Variants in SDHA observed in about 807,000 individuals in gnomAD.
The protein encoded by SDHA is succinate dehydrogenase [ubiquinone] flavoprotein subunit, mitochondrial.
Under a neutral mutation model 78.4 loss-of-function variants are expected in SDHA, and 48 were observed. The ratio of observed to expected loss-of-function variants is 0.61; its 90% CI spans 0.49 to 0.78. The LOEUF (loss-of-function observed/expected upper bound fraction) is 0.78, where lower values mean the gene tolerates loss of function less well. Among genes scored for constraint, SDHA ranks in the 30% least tolerant of loss-of-function variants. The probability of loss-of-function intolerance (pLI) is 0.00; values close to 1 mark genes in which losing one functional copy is unlikely to be tolerated. For missense variants in SDHA, 680 were observed against 892.7 expected, an observed-to-expected ratio of 0.76 and a Z score of 3.04; for synonymous variants, 326 against 353.9, an observed-to-expected ratio of 0.92 and a Z score of 0.88.
In SDHA at chr5:232,891, T is replaced by A. The variant is rs573804590; in HGVS notation, c.896-586T>A. ...GGACTACCCAGGTTTGGGTTTGAGC[T>A]CTGTCCTCAGCTGCATGACTGGATG... On this transcript the variant is annotated intron_variant, in intron 7 of 14. Transcript: ENST00000264932. Among the ~76,000 whole-genome samples the A allele has an allele frequency of 5.9e-5, 9 of 152,320 alleles. No individual in the cohort carries two copies. In the South Asian group the frequency reaches 1.9e-3, roughly 32 times the overall value.
intron 11 of SDHA, chr5:248,968 A>G (rs1446505659): frequency 1.3e-4 from 51 of 397,066 alleles, no homozygotes; most frequent in Non-Finnish European, 1.2e-4. Flanking sequence ...GAAACTGTTA[A>G]TAGCTCTTAA....
the SDHA span, among the ~76,000 whole-genome samples, chr5:264,142 T>G: frequency 6.6e-6 from 1 of 152,214 alleles, no homozygotes; most frequent in Non-Finnish European, 1.5e-5. Flanking sequence ...CTAAAGTGGT[T>G]GCTGTGGAGG....
At position 240,426 on chromosome 5, in the gene SDHA, T is replaced by C; in HGVS notation, c.1501T>C (p.Phe501Leu). 1 of 1,611,762 alleles carries C rather than the reference T, an allele frequency of 6.2e-7. No individual in the cohort carries two copies. The highest frequency in any genetic ancestry group is 8.5e-7 in the Non-Finnish European group (1 of 1,179,408). ...TGTCATGAATCTTGACAAATTGAGA[T>C]TTGCTGATGGAAGCATAAGAACATC... is the stretch of plus-strand genomic sequence containing the variant. Reference protein sequence around the residue: ...ESVMNLDKLRFADGSIRTSEL... With the variant: ...ESVMNLDKLRLADGSIRTSEL... The change falls in exon 11 of 15, where the codon TTT (phenylalanine) becomes CTT (leucine). Residue 501 changes from phenylalanine (F) to leucine (L), a missense_variant. Physicochemically the swap from Phe to Leu is conservative, Grantham distance 22 (BLOSUM62 0). Coordinates refer to ENST00000264932, the MANE Select transcript of SDHA (RefSeq NM_004168.4).
At chr5:230,786 G>T in intron 6 of SDHA, 90 bp from the exon 7 acceptor site, 1 of 1,557,934 alleles carries the variant, frequency 6.4e-7, no homozygotes, top group South Asian at 1.1e-5. Context: ...AGACGGTGCT[G>T]GGGGCTGCCG....
At chr5:259,218 G>C (rs1241852131), downstream of SDHA, among the ~76,000 whole-genome samples, 10 of 46,748 alleles carry the variant, frequency 2.1e-4, no homozygotes, top group African/African-American at 5.6e-4. Flanking sequence ...CCTCCCGTCC[G>C]AGCATTACCG....
At chr5:228,384 A>C in intron 6 of SDHA, 51 bp downstream of exon 6, 2 of 1,548,812 alleles carry the variant, frequency 1.3e-6, no homozygotes, top group Non-Finnish European at 1.8e-6. Flanking sequence ...AATAAATTTC[A>C]TTTAGAGTTT....
At chr5:255,726 A>T (rs1204442194) in intron 14 of SDHA, among the ~76,000 whole-genome samples, 1 of 152,182 alleles carries the variant, frequency 6.6e-6, no homozygotes, top group East Asian at 1.9e-4. Context: ...CAACACCCCC[A>T]GCCAGTTTTA....
the SDHA span, among the ~76,000 whole-genome samples, chr5:265,583 C>T: frequency 3.9e-5 from 6 of 152,270 alleles, no homozygotes; most frequent in East Asian, 7.7e-4. Flanking sequence ...AGAAGAATTC[C>T]TGCAAATAAG....
At chr5:220,418 G>C in intron 1 of SDHA, 1 of 326,274 alleles carries the variant, frequency 3.1e-6, no homozygotes, top group South Asian at 2.3e-5. Flanking sequence ...TGAATGGATT[G>C]TTCTGAATAT....
rs1579379632 is a variant in SDHA, at chr5:223,488, A to G, written c.70A>G (p.Thr24Ala). 6.2e-7 allele frequency: 1 copy of G among 1,612,028 alleles called. No individual in the cohort carries two copies. Among genetic ancestry groups the G allele is most frequent in the Non-Finnish European group, 8.5e-7 (1 of 1,178,066 alleles). Residue 24 changes from threonine to alanine, a missense_variant, in exon 2 of 15, where the codon ACA becomes GCA. Coordinates refer to ENST00000264932, the MANE Select transcript of SDHA (RefSeq NM_004168.4). The stretch of plus-strand genomic sequence containing the variant: ...GTGTCTTCTGTGTCTCCAGTGGCCA[A>G]CAGTGTTGCAAACAGGAACCCGAGG... ...RRLALAKAWP[T>A]VLQTGTRGFH...
chr5:248,910 A>C (rs1968374), intron 11 of SDHA: 66,707 of 404,360 alleles, frequency 0.16, 9,222 homozygotes, highest in African/African-American at 0.52. Flanking sequence ...TGGCACCTCA[A>C]CCTCAAATGG....
At chr5:251,592 T>C (rs759379965) in intron 13 of SDHA, 124 bp downstream of exon 13, 222,460 of 1,545,434 alleles carry the variant, frequency 0.14, 21,436 homozygotes, top group African/African-American at 0.55. Flanking sequence ...AAAAAATGCC[T>C]TTTTCCCCCC....
In SDHA at chr5:225,478, C is replaced by T. The variant is rs754393360; in HGVS notation, c.372C>T (p.Tyr124=). 3.0e-5 allele frequency: 49 copies of T among 1,613,540 alleles called. No individual in the cohort carries two copies. Among genetic ancestry groups the T allele is most frequent in the East Asian group, 2.2e-4 (10 of 44,892 alleles). The part of the protein sequence containing the change: ...MEEDNWRWHF[Y]DTVKGSDWLG... Reference sequence around the variant, plus strand: ...AGGACAACTGGAGGTGGCATTTCTACGACACCGTGAAGGGCTCCGACTGGC... The same window carrying T: ...AGGACAACTGGAGGTGGCATTTCTATGACACCGTGAAGGGCTCCGACTGGC... Residue 124 remains tyrosine (Y), a synonymous_variant, in exon 4 of 15, where the codon TAC becomes TAT. Transcript: ENST00000264932.
intron 3 of SDHA, 136 bp from the exon 4 acceptor site, chr5:225,283 C>A: frequency 9.1e-7 from 1 of 1,101,110 alleles, no homozygotes. Context: ...TGCTCCTCTG[C>A]TGAGGTCAGC....
intron 7 of SDHA, among the ~76,000 whole-genome samples, chr5:232,994 A>G (rs562511304): frequency 2.1e-4 from 32 of 152,328 alleles, no homozygotes; most frequent in Admixed American, 1.8e-3. Flanking sequence ...AAACGAGTTA[A>G]TATGTGGAAA....
chr5:259,242 T>A (rs373674815), downstream of SDHA, among the ~76,000 whole-genome samples: 1 of 45,044 alleles, frequency 2.2e-5, no homozygotes, highest in Non-Finnish European at 4.0e-5. Context: ...GAGCTCCGCC[T>A]CCCGTCACAG....
At chr5:228,101 C>G (rs1173983118) in intron 5 of SDHA, 84 bp from the exon 6 acceptor site, 67 of 1,357,580 alleles carry the variant, frequency 4.9e-5, no homozygotes, top group Non-Finnish European at 6.8e-5. Context: ...CAAGTTCTTT[C>G]ACCTATTCAC....
chr5:219,672 A>C (rs547184092), intron 1 of SDHA, among the ~76,000 whole-genome samples: 1 of 152,110 alleles, frequency 6.6e-6, no homozygotes, highest in Non-Finnish European at 1.5e-5. Context: ...AAGAGCTGCT[A>C]GGAGGGCGTC....
intron 7 of SDHA, among the ~76,000 whole-genome samples, chr5:233,247 T>A (rs7714306): frequency 2.6e-5 from 4 of 152,108 alleles, no homozygotes; most frequent in Non-Finnish European, 5.9e-5. Flanking sequence ...CTTTCTCCTC[T>A]CTGGGGACAC....
Sources: gnomAD v4.1 joint callset for allele counts (sites outside exome capture counted in the v4.1 genomes callset) on GRCh38, gnomAD v4.1.1 for gene constraint, MANE v1.5 for transcripts, NCBI Gene and HGNC (gene_info 2026-07-23, HGNC 2026-07-21) for gene names.